The following CD200 variants were observed in gnomAD, a reference collection of about 807,000 sequenced individuals.
CD200 encodes the protein OX-2 membrane glycoprotein.
CD200 carries 15 observed loss-of-function variants against 30.9 expected under a neutral mutation model. The ratio of observed to expected loss-of-function variants is 0.49; its 90% confidence interval spans 0.32 to 0.75. The LOEUF (loss-of-function observed/expected upper bound fraction) is 0.75. Among genes scored for constraint, CD200 ranks in the 30% least tolerant of loss-of-function variants. The pLI is 0.03. For missense variants in CD200, 262 were observed against 324.2 expected, an observed-to-expected ratio of 0.81 and a Z score of 1.47; for synonymous variants, 134 against 126.2, an observed-to-expected ratio of 1.06 and a Z score of -0.41.
chr3:112,355,208 T>TTCCA (rs2081603272), intron 5 of CD200, among the ~76,000 whole-genome samples: 1 of 152,168 alleles, frequency 6.6e-6, no homozygotes, highest in South Asian at 2.1e-4. Context: ...CTCTCTGTAA[T>TTCCA]TCCATAGCCT....
At chr3:112,344,032 C>T (rs2081328372) in intron 2 of CD200, among the ~76,000 whole-genome samples, 1 of 152,136 alleles carries the variant, frequency 6.6e-6, no homozygotes, top group Non-Finnish European at 1.5e-5. Flanking sequence ...ATCTATTTTG[C>T]TAAGTCAGCC....
chr3:112,336,028 AC>A, intron 1 of CD200: 1 of 1,568,142 alleles, frequency 6.4e-7, no homozygotes, highest in Non-Finnish European at 8.8e-7. Flanking sequence ...GTAATTTTCT[AC>A]CCCTACCTAT....
intron 2 of CD200, among the ~76,000 whole-genome samples, chr3:112,341,398 C>T (rs1326310634): frequency 2.0e-5 from 3 of 152,098 alleles, no homozygotes; most frequent in East Asian, 1.9e-4. Flanking sequence ...TAGAAAACAA[C>T]GAAATGTAGA....
At chr3:112,347,928 T>C in intron 4 of CD200, 98 bp downstream of exon 4, 1 of 1,088,584 alleles carries the variant, frequency 9.2e-7, no homozygotes, top group South Asian at 1.6e-5. Flanking sequence ...CTTAGCATAA[T>C]CTATTTGGAG....
chr3:112,338,233 A>T (rs918466217), intron 1 of CD200, among the ~76,000 whole-genome samples: 2 of 152,192 alleles, frequency 1.3e-5, no homozygotes, highest in Non-Finnish European at 2.9e-5. Context: ...CGAGAATCTA[A>T]TGTGTAAAGT....
At chr3:112,359,175 A>T (rs575719515) in intron 5 of CD200, among the ~76,000 whole-genome samples, 4 of 152,364 alleles carry the variant, frequency 2.6e-5, no homozygotes, top group African/African-American at 9.6e-5. Context: ...GAGAAAGGAA[A>T]AACTTCTTCA....
rs1485049651 is a variant in CD200, at chr3:112,349,920, ATG to A, written c.802+105_802+106del. 7.2e-6 allele frequency: 10 copies of A among 1,386,966 alleles called. No homozygotes were observed. The East Asian group carries it at 2.4e-4, about 34-fold the overall frequency. The allele number at this position is 1,386,966 out of a possible 1,614,324, so 85.9% of individuals were successfully genotyped here. On this transcript the variant is annotated intron_variant, in intron 5 of 5. Coordinates refer to ENST00000315711, the MANE Select transcript of CD200 (RefSeq NM_005944.7). Reference sequence around the variant, plus strand: ...AGATATAAATAAGGGAATGGCAACAATGTGTTTTGTCTGTTGTTTCCAAAATA... The same window carrying A: ...AGATATAAATAAGGGAATGGCAACAATGTTTTGTCTGTTGTTTCCAAAATA...
intron 1 of CD200, among the ~76,000 whole-genome samples, chr3:112,338,825 C>T (rs942587658): frequency 6.6e-6 from 1 of 151,966 alleles, no homozygotes; most frequent in African/African-American, 2.4e-5. Context: ...ATTTTTAAAC[C>T]AACAAAACTT....
intron 5 of CD200, among the ~76,000 whole-genome samples, chr3:112,358,931 GAGAA>G (rs76696866): frequency 2.1e-5 from 3 of 139,720 alleles, no homozygotes; most frequent in East Asian, 2.3e-4. Context: ...AAGAAAGAGA[GAGAA>G]AGAAAGAGAG....
chr3:112,341,654 C>T (rs2081241736), intron 2 of CD200, among the ~76,000 whole-genome samples: 3 of 152,076 alleles, frequency 2.0e-5, no homozygotes, highest in African/African-American at 7.2e-5. Context: ...CATCACAGGA[C>T]TTATCAACTG....
chr3:112,342,314 T>TTCCTTCCTTCCTTCCTTTC lies in CD200; in HGVS notation c.94+1332_94+1333insCCTTCCTTCCTTCCTTTCT, dbSNP rs1559782842. ...CCTTCCTTCCTTCCTTCCTTTCTTC[T>TTCCTTCCTTCCTTCCTTTC]TTCTTTCTTTCTTTCTTTCTTTCCT... On this transcript the variant is annotated intron_variant, in intron 2 of 5. Coordinates refer to ENST00000315711, the MANE Select transcript of CD200 (RefSeq NM_005944.7). 1.7e-3 allele frequency among the ~76,000 whole-genome samples: 36 copies of TTCCTTCCTTCCTTCCTTTC among 20,582 alleles called. 5 individuals are homozygous for TTCCTTCCTTCCTTCCTTTC. Among genetic ancestry groups the TTCCTTCCTTCCTTCCTTTC allele is most frequent in the Middle Eastern group, 0.026 (1 of 38 alleles). The allele number at this position is 20,582 out of a possible 152,430, so 13.5% of individuals were successfully genotyped here.
intron 3 of CD200, 42 bp downstream of exon 3, chr3:112,345,330 A>C (rs2081359133): frequency 6.6e-7 from 1 of 1,509,156 alleles, no homozygotes; most frequent in Non-Finnish European, 9.2e-7. Context: ...TGGAAATACT[A>C]TTTGCAAGAA....
At chr3:112,357,283 G>T (rs1270211147) in intron 5 of CD200, among the ~76,000 whole-genome samples, 2 of 146,228 alleles carry the variant, frequency 1.4e-5, no homozygotes, top group Non-Finnish European at 3.0e-5. Context: ...AAGAAAGAAA[G>T]AAAGAAAGAA....
At position 112,347,825 on chromosome 3, in the gene CD200, A is replaced by C; in HGVS notation, c.689A>C (p.Asn230Thr). 3 of 1,612,952 alleles carry C rather than the reference A, an allele frequency of 1.9e-6. No individual in the cohort carries two copies. The highest frequency in any genetic ancestry group is 2.5e-6 in the Non-Finnish European group (3 of 1,179,576). The part of the protein sequence containing the change: ...GTVTDFKQTV[N>T]KGYWFSVPLL... ...GTGACCGACTTTAAGCAAACCGTCA[A>C]CAAAGGTAAGAGAAAGTGAGCAAGG... Residue 230 changes from asparagine to threonine, a missense_variant, in exon 4 of 6, where the codon AAC becomes ACC. Physicochemically the swap from Asn to Thr is moderately conservative, Grantham distance 65. Coordinates refer to ENST00000315711, the MANE Select transcript of CD200 (RefSeq NM_005944.7).
chr3:112,343,796 G>T (rs1576599811), intron 2 of CD200, among the ~76,000 whole-genome samples: 1 of 152,040 alleles, frequency 6.6e-6, no homozygotes, highest in South Asian at 2.1e-4. Flanking sequence ...ATTTTAGATT[G>T]TTCCTTTTAT....
chr3:112,358,925 AAGAG>A (rs1010028312), intron 5 of CD200, among the ~76,000 whole-genome samples: 7 of 124,908 alleles, frequency 5.6e-5, no homozygotes, highest in African/African-American at 2.2e-4. Context: ...AGAGGAAAGA[AAGAG>A]AGAGAAAGAA....
intron 1 of CD200, among the ~76,000 whole-genome samples, chr3:112,339,762 G>A (rs997930212): frequency 8.5e-5 from 13 of 152,192 alleles, no homozygotes; most frequent in Admixed American, 7.9e-4. Context: ...GGGACAGCCT[G>A]GAAGAACATG....
intron 1 of CD200, among the ~76,000 whole-genome samples, chr3:112,335,421 T>C (rs979923982): frequency 6.6e-5 from 10 of 152,308 alleles, no homozygotes; most frequent in Middle Eastern, 3.4e-3. Flanking sequence ...TATCGAATAA[T>C]AAAATATATC....
In CD200 at chr3:112,340,925, T is replaced by G. The variant is rs1336736921; in HGVS notation, c.36T>G (p.His12Gln). ...ERLVIRMPFS[H>Q]LSTYSLVWVM... ...AGGTGATCAGGATGCCCTTCTCTCA[T>G]CTGTCTACCTACAGCCTGGTTTGGG... is the stretch of plus-strand genomic sequence containing the variant. The change falls in exon 2 of 6, where the codon CAT becomes CAG. Residue 12 changes from histidine (H) to glutamine (Q), a missense_variant. His to Gln is a conservative substitution (Grantham distance 24, BLOSUM62 0). Coordinates refer to ENST00000315711, the MANE Select transcript of CD200 (RefSeq NM_005944.7). 2 of 1,610,734 alleles carry G rather than the reference T, an allele frequency of 1.2e-6. No homozygotes were observed. Among genetic ancestry groups the G allele is most frequent in the East Asian group, 4.5e-5 (2 of 44,854 alleles).
Sources: gnomAD v4.1 joint callset for allele counts (sites outside exome capture counted in the v4.1 genomes callset) on GRCh38, gnomAD v4.1.1 for gene constraint, MANE v1.5 for transcripts, NCBI Gene and HGNC (gene_info 2026-07-23, HGNC 2026-07-21) for gene names.